Variants in CPNE4 observed in about 807,000 individuals in gnomAD.
CPNE4 encodes copine-4.
CPNE4 carries 25 observed loss-of-function variants against 67.9 expected under a neutral mutation model. The observed-to-expected ratio is 0.37, with a 90% CI of 0.27 to 0.51. CPNE4 has a LOEUF of 0.51. Among genes scored for constraint, CPNE4 ranks in the 20% least tolerant of loss-of-function variants. CPNE4 has a pLI of 0.93. For missense variants in CPNE4, 464 were observed against 690.8 expected (o/e 0.67, Z 3.68); for synonymous variants, 242 against 244.9 (o/e 0.99, Z 0.11).
intron 7 of CPNE4, among the ~76,000 whole-genome samples, chr3:131,592,628 T>C (rs547383559): frequency 6.7e-6 from 1 of 149,282 alleles, no homozygotes; most frequent in South Asian, 2.1e-4. Flanking sequence ...TGTGTGTATA[T>C]ACACACACAT....
intron 2 of CPNE4, among the ~76,000 whole-genome samples, chr3:131,742,045 G>A (rs558577869): frequency 4.4e-4 from 67 of 152,304 alleles, no homozygotes; most frequent in African/African-American, 1.5e-3. Flanking sequence ...ACTGTGAGGG[G>A]TGTGATGGTT....
rs940043394 is a variant in CPNE4 at position 131,673,078 on chromosome 3, C to G, written c.592-3314G>C. Reference sequence around the variant, plus strand: ...ATATTGATATCCAGTTTTCCCAGCACCATTTATTCAAGAGACTATCCTTTC... The same window carrying G: ...ATATTGATATCCAGTTTTCCCAGCAGCATTTATTCAAGAGACTATCCTTTC... On this transcript the variant is annotated intron_variant, in intron 6 of 15. Coordinates refer to ENST00000429747, the MANE Select transcript of CPNE4 (RefSeq NM_130808.3). Among the ~76,000 whole-genome samples the G allele has an allele frequency of 1.1e-4, 16 of 152,188 alleles. 1 individual carries two copies. The highest frequency in any genetic ancestry group is 6.5e-4 in the Admixed American group (10 of 15,272).
At chr3:131,669,806 C>A in intron 6 of CPNE4, 42 bp from the exon 7 acceptor site, 2 of 1,449,938 alleles carry the variant, frequency 1.4e-6, no homozygotes, top group Non-Finnish European at 1.9e-6. Context: ...GGGAGAAATG[C>A]TTGACATTTT....
intron 1 of CPNE4, among the ~76,000 whole-genome samples, chr3:132,030,172 C>G (rs1020082434): frequency 6.6e-6 from 1 of 152,186 alleles, no homozygotes; most frequent in Non-Finnish European, 1.5e-5. Flanking sequence ...CACATGGTGC[C>G]AGAGATTGGC....
intron 1 of CPNE4, among the ~76,000 whole-genome samples, chr3:131,955,436 T>C (rs2071932809): frequency 7.1e-6 from 1 of 140,474 alleles, no homozygotes; most frequent in Non-Finnish European, 1.5e-5. Context: ...TTTTTTTTTG[T>C]ATGCTTTCTA....
At position 131,771,114 on chromosome 3, in the gene CPNE4, G is replaced by A. The variant is rs73875009; in HGVS notation, c.181-47489C>T. On this transcript the variant is annotated intron_variant, in intron 2 of 15. Coordinates refer to ENST00000429747, the MANE Select transcript of CPNE4 (RefSeq NM_130808.3). Reference sequence around the variant, plus strand: ...AGTTTAAGCTCCATGAAAGTAAGAAGCACGTCTGACTTCTTTAATGCTATA... The same window carrying A: ...AGTTTAAGCTCCATGAAAGTAAGAAACACGTCTGACTTCTTTAATGCTATA... 6.0e-3 allele frequency among the ~76,000 whole-genome samples: 918 copies of A among 152,238 alleles called. 8 individuals are homozygous for A. The highest frequency in any genetic ancestry group is 0.021 in the African/African-American group (887 of 41,560).
At chr3:131,554,375 G>C (rs1234079119) in intron 12 of CPNE4, among the ~76,000 whole-genome samples, 1 of 152,090 alleles carries the variant, frequency 6.6e-6, no homozygotes, top group Non-Finnish European at 1.5e-5. Flanking sequence ...TTTTTTAAAA[G>C]TGTGTCAAAT....
intron 15 of CPNE4, among the ~76,000 whole-genome samples, chr3:131,536,120 T>A (rs1235003378): frequency 1.3e-5 from 2 of 152,128 alleles, no homozygotes; most frequent in Non-Finnish European, 2.9e-5. Context: ...TAGGGGTAGT[T>A]GCAGGATTGG....
chr3:131,830,580 T>C (rs564855345), intron 2 of CPNE4, among the ~76,000 whole-genome samples: 7 of 152,290 alleles, frequency 4.6e-5, no homozygotes, highest in Admixed American at 3.9e-4. Context: ...GTCTTTGTCT[T>C]AATGTCACCT....
intron 1 of CPNE4, among the ~76,000 whole-genome samples, chr3:132,011,216 A>T (rs2107677353): frequency 6.6e-6 from 1 of 152,342 alleles, no homozygotes; most frequent in African/African-American, 2.4e-5. Context: ...GGCCCACAGT[A>T]GATAGATCCC....
intron 7 of CPNE4, among the ~76,000 whole-genome samples, chr3:131,628,168 C>T (rs886873367): frequency 1.3e-5 from 2 of 151,780 alleles, no homozygotes; most frequent in African/African-American, 4.9e-5. Flanking sequence ...GTGATCACCA[C>T]CCTGATCAGT....
chr3:131,910,487 G>A (rs1019364006), intron 1 of CPNE4, among the ~76,000 whole-genome samples: 2 of 152,142 alleles, frequency 1.3e-5, no homozygotes, highest in East Asian at 1.9e-4. Flanking sequence ...TCAGAGGAGA[G>A]GAGAGAAGAA....
chr3:131,758,141 C>T (rs1056202741), intron 2 of CPNE4, among the ~76,000 whole-genome samples: 5 of 152,166 alleles, frequency 3.3e-5, no homozygotes, highest in African/African-American at 1.2e-4. Context: ...GACCACTGTC[C>T]TCCGGACCCC....
At chr3:131,944,816 A>G (rs192502030) in intron 1 of CPNE4, among the ~76,000 whole-genome samples, 130 of 152,138 alleles carry the variant, frequency 8.5e-4, no homozygotes, top group African/African-American at 3.0e-3. Flanking sequence ...ATATGCATCT[A>G]ATGATGAGAG....
At chr3:131,550,155 T>C in intron 13 of CPNE4, 75 bp from the exon 14 acceptor site, 3 of 1,505,714 alleles carry the variant, frequency 2.0e-6, no homozygotes, top group Non-Finnish European at 2.7e-6. Context: ...CACACAAAAG[T>C]AAAGCATTAA....
At chr3:131,602,918 A>G (rs546556468) in intron 7 of CPNE4, among the ~76,000 whole-genome samples, 6 of 152,312 alleles carry the variant, frequency 3.9e-5, no homozygotes, top group African/African-American at 1.4e-4. Context: ...GTTAATGCAT[A>G]GATACTCAAT....
intron 2 of CPNE4, among the ~76,000 whole-genome samples, chr3:131,749,833 A>T (rs1210322517): frequency 1.3e-5 from 2 of 152,146 alleles, no homozygotes; most frequent in Non-Finnish European, 2.9e-5. Context: ...TTTAACCTAC[A>T]ATCTTAATCC....
At chr3:131,915,246 C>A (rs1029520527) in intron 1 of CPNE4, among the ~76,000 whole-genome samples, 1 of 152,130 alleles carries the variant, frequency 6.6e-6, no homozygotes, top group Non-Finnish European at 1.5e-5. Flanking sequence ...CAATTACTTT[C>A]TTTTTAGACC....
At chr3:131,759,418 C>T (rs999420565) in intron 2 of CPNE4, among the ~76,000 whole-genome samples, 2 of 152,052 alleles carry the variant, frequency 1.3e-5, no homozygotes, top group Non-Finnish European at 2.9e-5. Context: ...TTACTGTGAC[C>T]AAGCCAAGAT....
Sources: allele counts gnomAD v4.1 joint callset (sites outside exome capture counted in the v4.1 genomes callset), GRCh38; gene constraint gnomAD v4.1.1; transcripts MANE v1.5; gene names NCBI Gene and HGNC (gene_info 2026-07-23, HGNC 2026-07-21).